The following CFAP299 variants were observed in gnomAD, a reference collection of about 807,000 sequenced individuals.
CFAP299 encodes cilia and flagella associated protein 299.
In CFAP299, 21 loss-of-function variants were observed where a neutral mutation model predicts 27.0. The ratio of observed to expected loss-of-function variants is 0.78; its 90% CI spans 0.55 to 1.12. CFAP299 has a LOEUF of 1.12. Ranked by LOEUF, CFAP299 falls within the 50% of genes most tolerant of loss-of-function variation. The pLI, the probability that CFAP299 is intolerant of heterozygous loss-of-function variation, is 0.00. For synonymous variants in CFAP299, 104 were observed against 98.1 expected (o/e 1.06, Z -0.36); for missense variants, 310 against 276.6 (o/e 1.12, Z -0.86).
chr4:80,720,594 A>G (rs1722754801), intron 3 of CFAP299, among the ~76,000 whole-genome samples: 1 of 151,998 alleles, frequency 6.6e-6, no homozygotes, highest in Admixed American at 6.6e-5. Context: ...TTTTAAACCT[A>G]CCTTTTAAGG....
chr4:80,646,305 T>A (rs1740008492), intron 3 of CFAP299, among the ~76,000 whole-genome samples: 1 of 152,202 alleles, frequency 6.6e-6, no homozygotes, highest in South Asian at 2.1e-4. Flanking sequence ...GATGTGATAT[T>A]TAGTCAGCCT....
chr4:80,726,506 C>T (rs1202550762), intron 3 of CFAP299, among the ~76,000 whole-genome samples: 1 of 152,014 alleles, frequency 6.6e-6, no homozygotes, highest in Non-Finnish European at 1.5e-5. Context: ...AACCTGTGTT[C>T]AAATTTGAAT....
At chr4:80,794,548 G>A (rs1173172421) in intron 3 of CFAP299, among the ~76,000 whole-genome samples, 1 of 152,094 alleles carries the variant, frequency 6.6e-6, no homozygotes, top group African/African-American at 2.4e-5. Flanking sequence ...CCATTCCACT[G>A]TTCTATCAAT....
intron 3 of CFAP299, among the ~76,000 whole-genome samples, chr4:80,674,123 T>C (rs1225246397): frequency 6.6e-6 from 1 of 152,206 alleles, no homozygotes; most frequent in Non-Finnish European, 1.5e-5. Context: ...GCCTCGATGA[T>C]CTTTACAATT....
rs996846805 is a variant in CFAP299 at position 80,432,817 on chromosome 4, C to T, written c.242+69933C>T. Reference sequence around the variant, plus strand: ...GATTACAGGTGTGAGCCACCGTGCCCGGCCTACACTCTATTTTTTATATAC... The same window carrying T: ...GATTACAGGTGTGAGCCACCGTGCCTGGCCTACACTCTATTTTTTATATAC... On this transcript the variant is annotated intron_variant, in intron 2 of 5. Coordinates refer to ENST00000358105, the MANE Select transcript of CFAP299 (RefSeq NM_152770.3). Among the ~76,000 whole-genome samples, 12 of 151,996 alleles carry T rather than the reference C, an allele frequency of 7.9e-5. 1 individual carries two copies. The South Asian group carries it at 1.0e-3, about 13-fold the overall frequency.
At chr4:80,417,073 A>T (rs924987311) in intron 2 of CFAP299, among the ~76,000 whole-genome samples, 2 of 152,242 alleles carry the variant, frequency 1.3e-5, no homozygotes, top group Non-Finnish European at 2.9e-5. Flanking sequence ...GGGGTGGATT[A>T]TTCATGAAGT....
At chr4:80,432,305 C>T (rs1322676096) in intron 2 of CFAP299, among the ~76,000 whole-genome samples, 1 of 151,858 alleles carries the variant, frequency 6.6e-6, no homozygotes, top group African/African-American at 2.4e-5. Flanking sequence ...GCACGCGCCA[C>T]CATGGCTGGC....
Position 80,726,253 on chromosome 4 carries a change from TTTCTCTATGA to T in CFAP299, c.333+143071_333+143080del, listed in dbSNP as rs1179571647. Among the ~76,000 whole-genome samples, 3 of 152,294 alleles carry T rather than the reference TTTCTCTATGA, an allele frequency of 2.0e-5. No homozygotes were observed. In the East Asian group the frequency reaches 5.8e-4, roughly 29 times the overall value. ...CATATTTGACCAGTAGCTTAAACTT[TTTCTCTATGA>T]CACAATTAGAATGATAACATTACAA... is the stretch of plus-strand genomic sequence containing the variant. On this transcript the variant is annotated intron_variant, in intron 3 of 5. Coordinates refer to ENST00000358105, the MANE Select transcript of CFAP299 (RefSeq NM_152770.3).
At chr4:80,851,339 T>C (rs1731511524) in intron 3 of CFAP299, among the ~76,000 whole-genome samples, 1 of 152,182 alleles carries the variant, frequency 6.6e-6, no homozygotes, top group Non-Finnish European at 1.5e-5. Flanking sequence ...CAGTTCTTTG[T>C]AAAACTTCCA....
At chr4:80,837,617 A>G (rs977201042) in intron 3 of CFAP299, among the ~76,000 whole-genome samples, 3 of 152,122 alleles carry the variant, frequency 2.0e-5, no homozygotes, top group Non-Finnish European at 4.4e-5. Flanking sequence ...ACATGAACTC[A>G]TTCTTTTTTA....
rs78298734 is a variant in CFAP299, at chr4:80,707,254, G to A, written c.333+124071G>A. ...CTTTCTTCTGCTACCTATTTTTGTC[G>A]GGCCCATGAGATGAGACTGGTTTTT... is the stretch of plus-strand genomic sequence containing the variant. On this transcript the variant is annotated intron_variant, in intron 3 of 5. Coordinates refer to ENST00000358105, the MANE Select transcript of CFAP299 (RefSeq NM_152770.3). Among the ~76,000 whole-genome samples the A allele has an allele frequency of 9.2e-3, 1,403 of 151,790 alleles. 9 individuals carry two copies. The highest frequency in any genetic ancestry group is 0.013 in the Non-Finnish European group (865 of 67,856).
chr4:80,840,853 T>C (rs1730824643), intron 3 of CFAP299, among the ~76,000 whole-genome samples: 1 of 152,256 alleles, frequency 6.6e-6, no homozygotes, highest in South Asian at 2.1e-4. Flanking sequence ...CATTCAAATG[T>C]CTCTTTAGTC....
chr4:80,361,122 G>C (rs1444661407), intron 1 of CFAP299, among the ~76,000 whole-genome samples: 1 of 152,142 alleles, frequency 6.6e-6, no homozygotes, highest in Non-Finnish European at 1.5e-5. Context: ...TATGATAATG[G>C]TAAGTGAGGC....
intron 3 of CFAP299, among the ~76,000 whole-genome samples, chr4:80,822,515 A>G (rs1044367886): frequency 6.6e-6 from 1 of 152,188 alleles, no homozygotes; most frequent in Non-Finnish European, 1.5e-5. Flanking sequence ...AATATTCAGT[A>G]CATTCAATGT....
intron 3 of CFAP299, among the ~76,000 whole-genome samples, chr4:80,857,171 G>T (rs998998893): frequency 6.6e-6 from 1 of 152,150 alleles, no homozygotes; most frequent in Non-Finnish European, 1.5e-5. Context: ...AAGCAATTGT[G>T]AATGGGAGTT....
intron 4 of CFAP299, among the ~76,000 whole-genome samples, chr4:80,905,608 G>A (rs898621338): frequency 6.6e-6 from 1 of 152,108 alleles, no homozygotes; most frequent in African/African-American, 2.4e-5. Context: ...ATGTTTAATT[G>A]ACTCACAGTT....
intron 3 of CFAP299, among the ~76,000 whole-genome samples, chr4:80,855,909 T>C (rs910157361): frequency 2.6e-5 from 4 of 151,902 alleles, no homozygotes; most frequent in African/African-American, 4.8e-5. Flanking sequence ...TATAGTCCTT[T>C]GGGTATATAC....
At chr4:80,382,267 G>C (rs758216682) in intron 2 of CFAP299, among the ~76,000 whole-genome samples, 1 of 152,166 alleles carries the variant, frequency 6.6e-6, no homozygotes, top group Non-Finnish European at 1.5e-5. Context: ...TCATGATGAA[G>C]AAAGCAATTG....
intron 3 of CFAP299, among the ~76,000 whole-genome samples, chr4:80,638,213 C>T (rs573793001): frequency 3.3e-5 from 5 of 152,338 alleles, no homozygotes; most frequent in African/African-American, 1.2e-4. Flanking sequence ...AGGCCCTTTT[C>T]ACAGTGCCAT....
Sources: gnomAD v4.1 joint callset for allele counts (sites outside exome capture counted in the v4.1 genomes callset) on GRCh38, gnomAD v4.1.1 for gene constraint, MANE v1.5 for transcripts, NCBI Gene and HGNC (gene_info 2026-07-23, HGNC 2026-07-21) for gene names.